The following ARHGAP25 variants were observed in gnomAD, a reference collection of about 807,000 sequenced individuals.
The protein encoded by ARHGAP25 is Rho GTPase activating protein 25.
In ARHGAP25, 34 loss-of-function variants were observed where a neutral mutation model predicts 71.0. That is an observed-to-expected ratio of 0.48 (90% CI 0.36 to 0.64). ARHGAP25 has a LOEUF of 0.64. Among genes scored for constraint, ARHGAP25 ranks in the 30% least tolerant of loss-of-function variants. ARHGAP25 has a pLI of 0.00. For synonymous variants in ARHGAP25, 282 were observed against 296.5 expected (o/e 0.95, Z 0.50); for missense variants, 706 against 805.1 (o/e 0.88, Z 1.49).
chr2:68,820,649 A>T (rs1337036286), intron 9 of ARHGAP25, among the ~76,000 whole-genome samples: 2 of 152,198 alleles, frequency 1.3e-5, no homozygotes, highest in African/African-American at 4.8e-5. Context: ...TTCATTAAAA[A>T]ATATATAATA....
chr2:68,794,041 G>A (rs773923763), intron 4 of ARHGAP25, among the ~76,000 whole-genome samples: 2 of 152,050 alleles, frequency 1.3e-5, no homozygotes, highest in Non-Finnish European at 2.9e-5. Flanking sequence ...TTGTAAATCA[G>A]AATGCCTTCT....
chr2:68,803,700 C>T (rs1337423256), intron 4 of ARHGAP25, among the ~76,000 whole-genome samples: 1 of 151,760 alleles, frequency 6.6e-6, no homozygotes, highest in Non-Finnish European at 1.5e-5. Context: ...AGGCATCATC[C>T]TAGATGAAAG....
chr2:68,771,033 G>A (rs1450993791), intron 1 of ARHGAP25, among the ~76,000 whole-genome samples: 1 of 152,160 alleles, frequency 6.6e-6, no homozygotes, highest in African/African-American at 2.4e-5. Context: ...GGCTTACTGA[G>A]TACTTAAAAC....
intron 4 of ARHGAP25, among the ~76,000 whole-genome samples, chr2:68,790,258 G>T (rs995514055): frequency 6.6e-6 from 1 of 152,156 alleles, no homozygotes; most frequent in African/African-American, 2.4e-5. Flanking sequence ...CCAAAGTGCT[G>T]GGATTACAGG....
intron 2 of ARHGAP25, among the ~76,000 whole-genome samples, chr2:68,716,826 C>T (rs1361197349): frequency 6.6e-6 from 1 of 152,140 alleles, no homozygotes; most frequent in African/African-American, 2.4e-5. Context: ...ATGGTTTTGC[C>T]ACAGCTGGTC....
In ARHGAP25 at chr2:68,746,836, A is replaced by G. The variant is rs536445860; in HGVS notation, c.61+11576A>G. On this transcript the variant is annotated intron_variant, in intron 1 of 10. Transcript: ENST00000409202. ...AGACTGACCAACATGGAGAAACCCC[A>G]TCTCTACTAAAAATACAAAAAATTA... 4.6e-5 allele frequency among the ~76,000 whole-genome samples: 7 copies of G among 151,884 alleles called. No homozygotes were observed. In the South Asian group the frequency reaches 1.5e-3, roughly 32 times the overall value.
intron 4 of ARHGAP25, among the ~76,000 whole-genome samples, chr2:68,800,684 C>A (rs560597313): frequency 1.8e-4 from 28 of 152,166 alleles, no homozygotes; most frequent in African/African-American, 6.8e-4. Context: ...GTAAATATGA[C>A]CTCGGAAAAA....
rs569926759 is a variant in ARHGAP25 at position 68,767,025 on chromosome 2, G to A, written c.62-8196G>A. 2.4e-4 allele frequency among the ~76,000 whole-genome samples: 36 copies of A among 152,260 alleles called. No individual in the cohort carries two copies. The highest frequency in any genetic ancestry group is 1.2e-3 in the South Asian group (6 of 4,820). On this transcript the variant is annotated intron_variant, in intron 1 of 10. Coordinates refer to ENST00000409202, the MANE Select transcript of ARHGAP25 (RefSeq NM_001007231.3). The surrounding 1 kb of genome is among the most constrained non-coding windows in gnomAD (Gnocchi z 4.6). ...GGGAAAATGAAATCTGCCCAATTCC[G>A]GAGTATTGAGGCAGGCATTTAGGGA...
chr2:68,824,465 G>A (rs553043901), intron 10 of ARHGAP25, among the ~76,000 whole-genome samples: 104 of 152,334 alleles, frequency 6.8e-4, no homozygotes, highest in African/African-American at 2.2e-3. Context: ...AGGAATGGCC[G>A]GGCGTGGTGG....
At position 68,822,862 on chromosome 2, in the gene ARHGAP25, C is replaced by A. The variant is rs1482831844; in HGVS notation, c.1723C>A (p.Gln575Lys). Reference sequence around the variant, plus strand: ...AACACAGAAGCAAATGTATGAGGAACAGATTAAAAAGTAAGTCAGACAGAG... The same window carrying A: ...AACACAGAAGCAAATGTATGAGGAAAAGATTAAAAAGTAAGTCAGACAGAG... ...IETQKQMYEE[Q>K]IKNLEKENYD... is the part of the protein sequence containing the mutation. The change falls in exon 10 of 11, where the codon CAG becomes AAG. Residue 575 changes from glutamine (Q) to lysine (K), a missense_variant. By Grantham distance (53) the Gln-to-Lys change is moderately conservative. Coordinates refer to ENST00000409202, the MANE Select transcript of ARHGAP25 (RefSeq NM_001007231.3). 3 of 1,610,370 alleles carry A rather than the reference C, an allele frequency of 1.9e-6. No homozygotes were observed. Among genetic ancestry groups the A allele is most frequent in the African/African-American group, 1.3e-5 (1 of 74,772 alleles).
In ARHGAP25 at chr2:68,813,344, A is replaced by G. The variant is rs1680967777; in HGVS notation, c.732A>G (p.Pro244=). 1 of 1,613,730 alleles carries G rather than the reference A, an allele frequency of 6.2e-7. No homozygotes were observed. The change falls in exon 6 of 11, where the codon CCA becomes CCG. Residue 244 remains proline, a synonymous_variant. Coordinates refer to ENST00000409202, the MANE Select transcript of ARHGAP25 (RefSeq NM_001007231.3). The stretch of plus-strand genomic sequence containing the variant: ...TAAAGCTCTACCTCCGAGACCTCCC[A>G]GAGCCCGTGGTTCCCTGGAGCCAGT... ...SLLKLYLRDL[P]EPVVPWSQYE...
intron 1 of ARHGAP25, among the ~76,000 whole-genome samples, chr2:68,762,729 C>G (rs763444827): frequency 6.6e-6 from 1 of 152,154 alleles, no homozygotes; most frequent in Non-Finnish European, 1.5e-5. Context: ...TGGTGTTCTT[C>G]TAGTTCTTCC....
At chr2:68,750,155 C>T (rs972678026) in intron 1 of ARHGAP25, among the ~76,000 whole-genome samples, 1 of 146,010 alleles carries the variant, frequency 6.8e-6, no homozygotes, top group Non-Finnish European at 1.5e-5. Context: ...CACAGGCGTG[C>T]ACCGCCATGC....
chr2:68,744,911 G>T (rs1675729026), intron 1 of ARHGAP25, among the ~76,000 whole-genome samples: 1 of 152,172 alleles, frequency 6.6e-6, no homozygotes, highest in African/African-American at 2.4e-5. Context: ...GCCCAGCATG[G>T]TAATGAAAGT....
At chr2:68,797,207 A>G (rs993112841) in intron 4 of ARHGAP25, among the ~76,000 whole-genome samples, 1 of 152,214 alleles carries the variant, frequency 6.6e-6, no homozygotes, top group Non-Finnish European at 1.5e-5. Flanking sequence ...TGCATGCACC[A>G]GCCTTGATTA....
chr2:68,802,738 TG>T (rs1178592586), intron 4 of ARHGAP25, among the ~76,000 whole-genome samples: 1 of 150,300 alleles, frequency 6.7e-6, no homozygotes, highest in Non-Finnish European at 1.5e-5. Flanking sequence ...AGAGAAAAGA[TG>T]GAAATAGATA....
chr2:68,747,897 C>G (rs1156720468), intron 1 of ARHGAP25, among the ~76,000 whole-genome samples: 3 of 152,236 alleles, frequency 2.0e-5, no homozygotes, highest in African/African-American at 7.2e-5. Context: ...GCTGTAAACA[C>G]TGCCATTTCT....
At chr2:68,816,206 A>G in intron 6 of ARHGAP25, 83 bp from the exon 7 acceptor site, 2 of 1,136,728 alleles carry the variant, frequency 1.8e-6, no homozygotes, top group Non-Finnish European at 2.7e-6. Context: ...CAGATACACC[A>G]ATTCTGTCCC....
intron 7 of ARHGAP25, 148 bp from the exon 8 acceptor site, chr2:68,817,725 T>C: frequency 9.9e-7 from 1 of 1,009,832 alleles, no homozygotes; most frequent in South Asian, 1.6e-5. Flanking sequence ...AGGATGAGGC[T>C]AAATTCTTGT....
Sources: gnomAD v4.1 joint callset for allele counts (sites outside exome capture counted in the v4.1 genomes callset) on GRCh38, gnomAD v4.1.1 for gene constraint, Gnocchi (gnomAD v3.1) non-coding constraint, MANE v1.5 for transcripts, NCBI Gene and HGNC (gene_info 2026-07-23, HGNC 2026-07-21) for gene names.